CHRNE: variants seen among roughly 807,000 people sequenced by gnomAD.
The protein encoded by CHRNE is cholinergic receptor nicotinic epsilon subunit.
In CHRNE, 58 loss-of-function variants were observed where a neutral mutation model predicts 56.5. The ratio of observed to expected loss-of-function variants is 1.03; its 90% confidence interval spans 0.83 to 1.28. The LOEUF (loss-of-function observed/expected upper bound fraction) is 1.28, where lower values mean the gene tolerates loss of function less well. Among genes scored for constraint, CHRNE ranks in the 50% most tolerant of loss-of-function variants. CHRNE has a pLI of 0.00. For missense variants in CHRNE, 793 were observed against 688.9 expected, an observed-to-expected ratio of 1.15 and a Z score of -1.69; for synonymous variants, 385 against 297.9, an observed-to-expected ratio of 1.29 and a Z score of -3.01.
At chr17:4,899,412 G>C (rs1969869882) in intron 9 of CHRNE, 28 bp from the exon 10 acceptor site, 4 of 1,540,666 alleles carry the variant, frequency 2.6e-6, no homozygotes, top group Non-Finnish European at 3.5e-6. Flanking sequence ...CTTAGGGGAC[G>C]AGGTTAGTAC....
chr17:4,906,109 C>T (rs970146125), upstream of CHRNE, among the ~76,000 whole-genome samples: 2 of 152,188 alleles, frequency 1.3e-5, no homozygotes. Flanking sequence ...ATGGTCTTAG[C>T]CCCAGACCAA....
rs746300839 is a variant in CHRNE, at chr17:4,901,163, C to T, written c.629G>A (p.Cys210Tyr). 6.2e-7 allele frequency: 1 copy of T among 1,608,674 alleles called. No individual in the cohort carries two copies. Among genetic ancestry groups the T allele is most frequent in the South Asian group, 1.1e-5 (1 of 91,066 alleles). Residue 210 changes from cysteine to tyrosine, a missense_variant, in exon 7 of 12, where the codon TGC (cysteine) becomes TAC (tyrosine). Coordinates refer to ENST00000649488, the MANE Select transcript of CHRNE (RefSeq NM_000080.4). ...GTGGTGGCGGCGGATCACCCCCGGG[C>T]AGAAGTCGATGGCCCACTCGCCGTT... is the stretch of plus-strand genomic sequence containing the variant. Reference protein sequence around the residue: ...TENGEWAIDFCPGVIRRHHGG... With the variant: ...TENGEWAIDFYPGVIRRHHGG...
At chr17:4,907,426 G>A (rs1374868119), upstream of CHRNE, among the ~76,000 whole-genome samples, 2 of 151,686 alleles carry the variant, frequency 1.3e-5, no homozygotes, top group Non-Finnish European at 2.9e-5. Context: ...AAATTAGCCG[G>A]GCATGGTGGC....
upstream of CHRNE, among the ~76,000 whole-genome samples, chr17:4,906,763 CAA>C (rs996057325): frequency 6.6e-6 from 1 of 150,426 alleles, no homozygotes; most frequent in African/African-American, 2.5e-5. Flanking sequence ...GCCTGGGAAA[CAA>C]GAGAGAAAAC....
In CHRNE at chr17:4,902,235, T is replaced by G; in HGVS notation, c.326A>C (p.Glu109Ala). 6.2e-7 allele frequency: 1 copy of G among 1,613,998 alleles called. No homozygotes were observed. The highest frequency in any genetic ancestry group is 8.5e-7 in the Non-Finnish European group (1 of 1,180,004). ...RVPSELVWLP[E>A]IVLENNIDGQ... ...TTCTCACTTGTTTTCCAGCACAATC[T>G]CTGGCAGCCACACGAGTTCTGAAGG... The change falls in exon 4 of 12, where the codon GAG becomes GCG. Residue 109 changes from glutamate to alanine, a missense_variant. Transcript: ENST00000649488. The surrounding 1 kb of genome is among the most constrained non-coding windows in gnomAD (Gnocchi z 4.0).
chr17:4,899,484 G>T lies in CHRNE; in HGVS notation c.1016C>A (p.Ser339Tyr). The stretch of plus-strand genomic sequence containing the variant: ...CGCGCTTACGTGGCGCAGCCGCGGG[G>T]ACATGGCGTGGGTGGTGGGCGTCCG... ...SQRTPTTHAMSPRLRHVLLEL... is the reference protein window; with the variant it reads ...SQRTPTTHAMYPRLRHVLLEL... Residue 339 changes from serine to tyrosine, a missense_variant, in exon 9 of 12, where the codon TCC (serine) becomes TAC (tyrosine). Ser to Tyr is a moderately radical substitution (Grantham distance 144). Transcript: ENST00000649488. 2 of 1,599,100 alleles carry T rather than the reference G, an allele frequency of 1.3e-6. No homozygotes were observed. The highest frequency in any genetic ancestry group is 1.1e-5 in the South Asian group (1 of 88,154).
At chr17:4,903,309 C>A (rs1242927941), upstream of CHRNE, among the ~76,000 whole-genome samples, 1 of 152,108 alleles carries the variant, frequency 6.6e-6, no homozygotes, top group African/African-American at 2.4e-5. Context: ...TTGGCCAACT[C>A]CCCAGCCACA....
In CHRNE at chr17:4,901,605, T is replaced by A; in HGVS notation, c.521A>T (p.Glu174Val). Residue 174 changes from glutamate (E) to valine (V), a missense_variant, in exon 6 of 12, where the codon GAA becomes GTA. Physicochemically the swap from Glu to Val is moderately radical, Grantham distance 121. Transcript: ENST00000649488. ...LIFRSQTYNA[E>V]EVEFTFAVDN... is the part of the protein sequence containing the mutation. ...TACGGCAAAAGTGAACTCCACCTCT[T>A]CGGCATTGTACGTCTGAGAGCTGCG... is the stretch of plus-strand genomic sequence containing the variant. The A allele has an allele frequency of 1.2e-6, 2 of 1,614,106 alleles. No homozygotes were observed. Among genetic ancestry groups the A allele is most frequent in the Non-Finnish European group, 1.7e-6 (2 of 1,180,012 alleles).
Position 4,901,987 on chromosome 17 carries a change from C to G in CHRNE, c.445G>C (p.Ala149Pro). 1 of 1,614,114 alleles carries G rather than the reference C, an allele frequency of 6.2e-7. No homozygotes were observed. Among genetic ancestry groups the G allele is most frequent in the East Asian group, 2.2e-5 (1 of 44,878 alleles). ...LPPAIYRSVC[A>P]VEVTYFPFDW... ...AAGGGGAAGTAGGTGACCTCCACTGCGCAGACGCTGCGGTAGATGGCCGGA... is the reference window on the plus strand; with the variant it reads ...AAGGGGAAGTAGGTGACCTCCACTGGGCAGACGCTGCGGTAGATGGCCGGA... The change falls in exon 5 of 12, where the codon GCA (alanine) becomes CCA (proline). Residue 149 changes from alanine (A) to proline (P), a missense_variant. Transcript: ENST00000649488.
In CHRNE at chr17:4,898,885, A is replaced by C; in HGVS notation, c.1333T>G (p.Ser445Ala). The C allele has an allele frequency of 1.3e-6, 2 of 1,579,356 alleles. No homozygotes were observed. The highest frequency in any genetic ancestry group is 1.7e-6 in the Non-Finnish European group (2 of 1,163,054). Residue 445 changes from serine (S) to alanine (A), a missense_variant, in exon 12 of 12, where the codon TCC (serine) becomes GCC (alanine). Ser to Ala is a moderately conservative substitution (Grantham distance 99, BLOSUM62 1). Transcript: ENST00000649488. ...RDQEATGEEV[S>A]DWVRMGNALD... is the part of the protein sequence containing the mutation. Reference sequence around the variant, plus strand: ...GCATTCCCCATGCGCACCCAGTCGGACACTTCCTGGGGAAGGGTCGGCACA... The same window carrying C: ...GCATTCCCCATGCGCACCCAGTCGGCCACTTCCTGGGGAAGGGTCGGCACA...
rs72835059 is a variant in CHRNE, at chr17:4,902,094, G to A, written c.345-7C>T. 134,717 of 1,613,774 alleles carry A rather than the reference G, an allele frequency of 0.083. 6,107 individuals carry two copies. Among genetic ancestry groups the A allele is most frequent in the Non-Finnish European group, 0.092 (108,089 of 1,179,904 alleles). ...TCCGAACTGGCCATCAATACTGTGG[G>A]CTCGGGGAAACCGAGCTTTTTGCAC... On this transcript the variant is annotated splice_region_variant and splice_polypyrimidine_tract_variant and intron_variant, in intron 4 of 11. Coordinates refer to ENST00000649488, the MANE Select transcript of CHRNE (RefSeq NM_000080.4). The surrounding 1 kb of genome is among the most constrained non-coding windows in gnomAD (Gnocchi z 4.0).
chr17:4,901,253 G>A, intron 6 of CHRNE, 63 bp from the exon 7 acceptor site: 1 of 1,562,542 alleles, frequency 6.4e-7, no homozygotes, highest in Non-Finnish European at 8.7e-7. Flanking sequence ...CTGACAGCGG[G>A]CTGAAGAGGA....
chr17:4,898,524 G>A lies in CHRNE; in HGVS notation c.*212C>T. ...CTTGCTTTCTGGAAGACTGGCACCT[G>A]AGAGCCTATGTGAACCCTTTCCTCC... On this transcript the variant is annotated 3_prime_UTR_variant, in exon 12 of 12. Transcript: ENST00000649488. 1.6e-6 allele frequency: 1 copy of A among 629,958 alleles called. No homozygotes were observed. Among genetic ancestry groups the A allele is most frequent in the Non-Finnish European group, 2.8e-6 (1 of 360,702 alleles). 39.0% of individuals were successfully genotyped at this position (629,958 alleles called of 1,614,324 possible). A position where few individuals can be genotyped will look rare whatever the true frequency, so the allele number is the denominator to read the frequency against.
chr17:4,900,352 A>T, intron 8 of CHRNE: 2 of 1,547,998 alleles, frequency 1.3e-6, no homozygotes, highest in Non-Finnish European at 1.7e-6. Flanking sequence ...GCCGCAGGGC[A>T]GGGGGTTCGG....
intron 11 of CHRNE, 44 bp from the exon 12 acceptor site, chr17:4,898,935 G>A (rs1169908510): frequency 3.8e-6 from 6 of 1,565,670 alleles, no homozygotes; most frequent in Middle Eastern, 1.7e-4. Context: ...AGCTGCAGGA[G>A]CCAGCGGCAT....
At chr17:4,908,063 G>A (rs758362846), upstream of CHRNE, among the ~76,000 whole-genome samples, 10 of 152,058 alleles carry the variant, frequency 6.6e-5, no homozygotes, top group East Asian at 3.9e-4. Context: ...CCAGCTACTC[G>A]GGAGGCTGAG....
Position 4,899,361 on chromosome 17 carries a change from G to T in CHRNE, c.1056C>A (p.Arg352=), listed in dbSNP as rs558633663. ...CGGGCGGCGGCGGGGAGCCCAGGAG[G>T]CGCGGCAGCAGCTCCAGGAGAACCT... The part of the protein sequence containing the change: ...LRHVLLELLP[R]LLGSPPPPEA... Residue 352 remains arginine, a synonymous_variant, in exon 10 of 12, where the codon CGC becomes CGA. Coordinates refer to ENST00000649488, the MANE Select transcript of CHRNE (RefSeq NM_000080.4). 1.8e-5 allele frequency: 27 copies of T among 1,535,776 alleles called. 1 individual carries two copies. The South Asian group carries it at 3.1e-4, about 18-fold the overall frequency.
rs1332255369 is a variant in CHRNE, at chr17:4,902,869, A to C, written c.47-106T>G. 7.6e-6 allele frequency: 12 copies of C among 1,583,866 alleles called. No homozygotes were observed. The highest frequency in any genetic ancestry group is 9.5e-6 in the Non-Finnish European group (11 of 1,153,870). On this transcript the variant is annotated intron_variant, in intron 1 of 11. Transcript: ENST00000649488. This position sits in a 1 kb window ranked among gnomAD's most constrained non-coding sequence, Gnocchi z 4.0. ...TCACAGGCCTCTGAGGCTGTGTACT[A>C]TCAGTATCTGTCTCCTAAACCAATT...
upstream of CHRNE, among the ~76,000 whole-genome samples, chr17:4,907,419 T>G (rs1970103730): frequency 1.3e-5 from 2 of 150,368 alleles, no homozygotes; most frequent in Admixed American, 6.6e-5. Flanking sequence ...AAAAAAAAAA[T>G]TAGCCGGGCA....
Sources: gnomAD v4.1 joint callset for allele counts (sites outside exome capture counted in the v4.1 genomes callset) on GRCh38, gnomAD v4.1.1 for gene constraint, Gnocchi (gnomAD v3.1) non-coding constraint, MANE v1.5 for transcripts, NCBI Gene and HGNC (gene_info 2026-07-23, HGNC 2026-07-21) for gene names.